The following FBXW11 variants were observed in gnomAD, a reference collection of about 807,000 sequenced individuals.
FBXW11 encodes F-box and WD repeat domain containing 11, also known as F-box/WD repeat-containing protein 11.
In FBXW11, 19 loss-of-function variants were observed where a neutral mutation model predicts 77.6. The observed-to-expected ratio is 0.24, with a 90% CI of 0.17 to 0.36. FBXW11 has a LOEUF of 0.36. Among genes scored for constraint, FBXW11 ranks in the 10% least tolerant of loss-of-function variants. FBXW11 has a pLI of 1.00. For missense variants in FBXW11, 334 were observed against 704.2 expected, an observed-to-expected ratio of 0.47 and a Z score of 5.95; for synonymous variants, 235 against 249.4, an observed-to-expected ratio of 0.94 and a Z score of 0.54.
chr5:172,006,601 G>A lies in FBXW11; in HGVS notation c.-99C>T, dbSNP rs1766797683. ...GGCGGCAGAGGCGGAGGCGGCTATC[G>A]CACCCACTCTAGCTGCCAGCCCGCC... On this transcript the variant is annotated 5_prime_UTR_variant, in exon 1 of 14. Coordinates refer to ENST00000517395, the MANE Select transcript of FBXW11 (RefSeq NM_001378974.1). 3.7e-6 allele frequency: 5 copies of A among 1,365,300 alleles called. No homozygotes were observed. Among genetic ancestry groups the A allele is most frequent in the African/African-American group, 3.0e-5 (2 of 65,640 alleles). The allele number at this position is 1,365,300 out of a possible 1,614,324, so 84.6% of individuals were successfully genotyped here.
intron 1 of FBXW11, among the ~76,000 whole-genome samples, chr5:171,966,507 C>G (rs1438990289): frequency 6.6e-6 from 1 of 152,184 alleles, no homozygotes; most frequent in Non-Finnish European, 1.5e-5. Context: ...CAGGATGTAA[C>G]AAAATAATCT....
At position 171,948,783 on chromosome 5, in the gene FBXW11, C is replaced by T. The variant is rs866294555; in HGVS notation, c.147+8814G>A. On this transcript the variant is annotated intron_variant, in intron 2 of 13. Coordinates refer to ENST00000517395, the MANE Select transcript of FBXW11 (RefSeq NM_001378974.1). ...ATGTGTTCTGAATTCCATTTACCCA[C>T]GTCCCTATCCTCAAATTATACTGTG... Among the ~76,000 whole-genome samples, 10 of 152,266 alleles carry T rather than the reference C, an allele frequency of 6.6e-5. No homozygotes were observed. In the East Asian group the frequency reaches 1.9e-3, roughly 29 times the overall value.
intron 6 of FBXW11, among the ~76,000 whole-genome samples, chr5:171,898,460 T>C (rs760441050): frequency 6.6e-6 from 1 of 152,204 alleles, no homozygotes; most frequent in African/African-American, 2.4e-5. Flanking sequence ...ACATCTCCAA[T>C]GTTTCTCATC....
chr5:171,975,041 G>A (rs1016290893), intron 1 of FBXW11, among the ~76,000 whole-genome samples: 1 of 152,124 alleles, frequency 6.6e-6, no homozygotes, highest in Non-Finnish European at 1.5e-5. Context: ...TGACCCACCC[G>A]CCTCGGCCTC....
Position 171,904,241 on chromosome 5 carries a change from G to C in FBXW11, c.437-4141C>G, listed in dbSNP as rs927732672. Among the ~76,000 whole-genome samples, 3 of 152,188 alleles carry C rather than the reference G, an allele frequency of 2.0e-5. No individual in the cohort carries two copies. The highest frequency in any genetic ancestry group is 6.5e-5 in the Admixed American group (1 of 15,284). ...ACCTAGGAGGTGGCGGTTGCAGTAAGTGGAGATCATGCCACTGCACTCTAG... is the reference window on the plus strand; with the variant it reads ...ACCTAGGAGGTGGCGGTTGCAGTAACTGGAGATCATGCCACTGCACTCTAG... On this transcript the variant is annotated intron_variant, in intron 4 of 13. Coordinates refer to ENST00000517395, the MANE Select transcript of FBXW11 (RefSeq NM_001378974.1). This position sits in a 1 kb window ranked among gnomAD's most constrained non-coding sequence, Gnocchi z 4.0.
Position 171,861,590 on chromosome 5 carries a change from T to A in FBXW11, c.*2537A>T, listed in dbSNP as rs1757099378. ...CTTTATTAAGAGTATTGGCTTTGAATCAGTAGCTGAAGTAACAATTGCATG... is the reference window on the plus strand; with the variant it reads ...CTTTATTAAGAGTATTGGCTTTGAAACAGTAGCTGAAGTAACAATTGCATG... On this transcript the variant is annotated 3_prime_UTR_variant, in exon 14 of 14. Transcript: ENST00000517395. The A allele has an allele frequency of 6.6e-6, 1 of 152,656 alleles. No individual in the cohort carries two copies. The highest frequency in any genetic ancestry group is 2.4e-5 in the African/African-American group (1 of 41,466). 9.5% of individuals were successfully genotyped at this position (152,656 alleles called of 1,614,324 possible).
rs1313003028 is a variant in FBXW11 at position 171,869,643 on chromosome 5, T to G, written c.1530+86A>C. On this transcript the variant is annotated intron_variant, in intron 12 of 13. Coordinates refer to ENST00000517395, the MANE Select transcript of FBXW11 (RefSeq NM_001378974.1). The surrounding 1 kb of genome is among the most constrained non-coding windows in gnomAD (Gnocchi z 4.1). ...AGGCATCTTGTGAGACACACAAGCG[T>G]TCCTGTGATACACCTAGACAGGACT... The G allele has an allele frequency of 1.0e-6, 1 of 962,894 alleles. No individual in the cohort carries two copies. Among genetic ancestry groups the G allele is most frequent in the East Asian group, 3.0e-5 (1 of 33,392 alleles). 59.6% of individuals were successfully genotyped at this position (962,894 alleles called of 1,614,324 possible).
chr5:171,893,741 A>G (rs988253980), intron 6 of FBXW11, among the ~76,000 whole-genome samples: 2 of 152,178 alleles, frequency 1.3e-5, no homozygotes, highest in African/African-American at 4.8e-5. Context: ...GGGCCCACAG[A>G]GTTGCTACAG....
At chr5:171,974,827 T>A (rs940804737) in intron 1 of FBXW11, among the ~76,000 whole-genome samples, 2 of 152,174 alleles carry the variant, frequency 1.3e-5, no homozygotes, top group Admixed American at 1.3e-4. Context: ...AGAATTTCGA[T>A]CTTGTTGCCC....
chr5:171,969,076 T>C (rs972339396), intron 1 of FBXW11, among the ~76,000 whole-genome samples: 1 of 151,904 alleles, frequency 6.6e-6, no homozygotes, highest in African/African-American at 2.4e-5. Flanking sequence ...GAGACCAGCC[T>C]GGCCAACATG....
intron 5 of FBXW11, 79 bp downstream of exon 5, chr5:171,899,835 A>G: frequency 2.3e-6 from 3 of 1,284,756 alleles, no homozygotes; most frequent in African/African-American, 1.5e-5. Context: ...ATTTGCAAGT[A>G]TAATTGCATT....
chr5:171,910,865 A>C, intron 3 of FBXW11, 68 bp from the exon 4 acceptor site: 1 of 1,128,300 alleles, frequency 8.9e-7, no homozygotes. Flanking sequence ...TTTCATTAGA[A>C]ATATTTTTCA....
intron 6 of FBXW11, among the ~76,000 whole-genome samples, chr5:171,896,690 T>C (rs1262935819): frequency 6.6e-6 from 1 of 152,232 alleles, no homozygotes; most frequent in Non-Finnish European, 1.5e-5. Flanking sequence ...AAACTTCTTT[T>C]AGTCTCAGTT....
At chr5:171,877,956 C>T (rs1369125193) in intron 8 of FBXW11, 55 bp downstream of exon 8, 10 of 1,318,574 alleles carry the variant, frequency 7.6e-6, no homozygotes, top group Non-Finnish European at 1.1e-5. Context: ...ATGTCAATCT[C>T]AGACTTTCTC....
chr5:171,903,812 AT>A (rs199845369), intron 4 of FBXW11, among the ~76,000 whole-genome samples: 2 of 151,394 alleles, frequency 1.3e-5, no homozygotes, highest in African/African-American at 4.9e-5. Context: ...TGCCAGGCTA[AT>A]TTTTTTTAAA....
chr5:171,905,077 TCA>T (rs1760385800), intron 4 of FBXW11, among the ~76,000 whole-genome samples: 1 of 152,184 alleles, frequency 6.6e-6, no homozygotes, highest in African/African-American at 2.4e-5. Context: ...AAGCAACATC[TCA>T]GTGATATCTA....
At chr5:171,994,904 G>T (rs1033633688) in intron 1 of FBXW11, among the ~76,000 whole-genome samples, 5 of 152,126 alleles carry the variant, frequency 3.3e-5, no homozygotes, top group Admixed American at 6.5e-5. Context: ...TGGGCATGGT[G>T]GCACGCACCT....
At chr5:171,884,246 C>T (rs1461605994) in intron 7 of FBXW11, among the ~76,000 whole-genome samples, 2 of 152,202 alleles carry the variant, frequency 1.3e-5, no homozygotes, top group African/African-American at 4.8e-5. Context: ...CAGTTTCATT[C>T]TCCTGTATGT....
chr5:171,905,597 C>CCA (rs1561669467), intron 4 of FBXW11, among the ~76,000 whole-genome samples: 2 of 102,176 alleles, frequency 2.0e-5, no homozygotes, highest in African/African-American at 2.7e-5. Flanking sequence ...TAACCCCCCC[C>CCA]CCTTTATTTT....
Sources: gnomAD v4.1 joint callset for allele counts (sites outside exome capture counted in the v4.1 genomes callset) on GRCh38, gnomAD v4.1.1 for gene constraint, Gnocchi (gnomAD v3.1) non-coding constraint, MANE v1.5 for transcripts, NCBI Gene and HGNC (gene_info 2026-07-23, HGNC 2026-07-21) for gene names.